Variants in OSTN observed in about 807,000 individuals in gnomAD.
OSTN encodes the protein osteocrin.
OSTN carries 9 observed loss-of-function variants against 12.0 expected under a neutral mutation model. The observed-to-expected ratio is 0.75, with a 90% CI of 0.45 to 1.30. OSTN has a LOEUF of 1.30. OSTN is among the 50% of genes most tolerant of loss of function. The pLI, the probability that OSTN is intolerant of heterozygous loss-of-function variation, is 0.00. For synonymous variants in OSTN, 59 were observed against 56.9 expected, an observed-to-expected ratio of 1.04 and a Z score of -0.16; for missense variants, 148 against 152.3, an observed-to-expected ratio of 0.97 and a Z score of 0.15.
chr3:191,258,317 A>G (rs1316537575), intron 4 of OSTN, among the ~76,000 whole-genome samples: 4 of 152,236 alleles, frequency 2.6e-5, no homozygotes, highest in Admixed American at 1.3e-4. Flanking sequence ...CTCATTAAGG[A>G]ACAAGGCTAA....
chr3:191,240,023 A>G (rs73199665), intron 3 of OSTN, among the ~76,000 whole-genome samples: 36,157 of 152,164 alleles, frequency 0.24, 5,146 homozygotes, highest in South Asian at 0.38. Context: ...AATAAAAATG[A>G]CATTTTGTTT....
intron 3 of OSTN, among the ~76,000 whole-genome samples, chr3:191,243,792 C>T (rs1715372177): frequency 6.6e-6 from 1 of 152,080 alleles, no homozygotes; most frequent in Non-Finnish European, 1.5e-5. Context: ...ACATTATTTA[C>T]ATGTTAATAT....
intron 2 of OSTN, among the ~76,000 whole-genome samples, chr3:191,212,867 C>CTTTTTTTTTTTTTTTTT (rs397991965): frequency 2.4e-4 from 22 of 93,080 alleles, no homozygotes; most frequent in East Asian, 9.7e-4. Context: ...TCTTTTCTTT[C>CTTTTTTTTTTTTTTTTT]TTTTTTTTTT....
At chr3:191,239,816 C>G (rs928501146) in intron 3 of OSTN, among the ~76,000 whole-genome samples, 2 of 152,134 alleles carry the variant, frequency 1.3e-5, no homozygotes, top group African/African-American at 4.8e-5. Context: ...TCACTCCTTC[C>G]CAGGGAAGGA....
intron 4 of OSTN, among the ~76,000 whole-genome samples, chr3:191,259,236 C>G (rs1715746121): frequency 6.6e-6 from 1 of 151,414 alleles, no homozygotes; most frequent in Non-Finnish European, 1.5e-5. Context: ...GCTTTGTCGC[C>G]CAGACTGGAA....
At chr3:191,244,732 G>A (rs1386547082) in intron 3 of OSTN, among the ~76,000 whole-genome samples, 2 of 150,112 alleles carry the variant, frequency 1.3e-5, no homozygotes, top group Non-Finnish European at 3.0e-5. Context: ...TATGGTTTCT[G>A]ATTATGTGCT....
intron 2 of OSTN, among the ~76,000 whole-genome samples, chr3:191,216,664 C>G (rs1000525941): frequency 6.6e-6 from 1 of 152,184 alleles, no homozygotes; most frequent in South Asian, 2.1e-4. Context: ...TTCAAAGTTC[C>G]ACAGATCTCT....
At chr3:191,205,532 A>C (rs538358852) in intron 1 of OSTN, among the ~76,000 whole-genome samples, 1 of 151,192 alleles carries the variant, frequency 6.6e-6, no homozygotes, top group South Asian at 2.1e-4. Context: ...GAAAATTCTT[A>C]TTATCAAAAA....
intron 3 of OSTN, among the ~76,000 whole-genome samples, chr3:191,225,167 A>G (rs939580252): frequency 6.6e-6 from 1 of 152,138 alleles, no homozygotes; most frequent in African/African-American, 2.4e-5. Flanking sequence ...AGAACTTGAA[A>G]AATAGGAAAC....
At chr3:191,242,396 T>G (rs1715341259) in intron 3 of OSTN, among the ~76,000 whole-genome samples, 7 of 152,198 alleles carry the variant, frequency 4.6e-5, no homozygotes, top group Admixed American at 4.6e-4. Context: ...CTTCCCTAAA[T>G]GAATTATACC....
rs182057839 is a variant in OSTN, at chr3:191,239,591, C to T, written c.318-10446C>T. Among the ~76,000 whole-genome samples, 228 of 152,294 alleles carry T rather than the reference C, an allele frequency of 1.5e-3. 1 individual carries two copies. Among genetic ancestry groups the T allele is most frequent in the East Asian group, 4.0e-3 (21 of 5,188 alleles). ...AAGCTGACATTATGCCTAATCAGCACCTTCATCATAAATTGAGCAGAATCT... is the reference window on the plus strand; with the variant it reads ...AAGCTGACATTATGCCTAATCAGCATCTTCATCATAAATTGAGCAGAATCT... On this transcript the variant is annotated intron_variant, in intron 3 of 4. Coordinates refer to ENST00000682035, the MANE Select transcript of OSTN (RefSeq NM_198184.2).
chr3:191,229,186 A>G (rs1026963053), intron 3 of OSTN, among the ~76,000 whole-genome samples: 1 of 152,236 alleles, frequency 6.6e-6, no homozygotes, highest in African/African-American at 2.4e-5. Context: ...TGAAGAGATT[A>G]GAAAGGAGAT....
chr3:191,214,834 G>A (rs932064708), intron 2 of OSTN, among the ~76,000 whole-genome samples: 4 of 152,116 alleles, frequency 2.6e-5, no homozygotes, highest in African/African-American at 4.8e-5. Context: ...CCAACATGGT[G>A]AAACTCCATC....
chr3:191,220,263 C>T (rs184085654), intron 3 of OSTN, among the ~76,000 whole-genome samples: 2 of 152,238 alleles, frequency 1.3e-5, no homozygotes, highest in Admixed American at 1.3e-4. Context: ...AAAATAAAAT[C>T]ATCATTTGAA....
chr3:191,229,106 A>T (rs1230035718), intron 3 of OSTN, among the ~76,000 whole-genome samples: 1 of 152,256 alleles, frequency 6.6e-6, no homozygotes, highest in East Asian at 1.9e-4. Context: ...GGATGCAAAT[A>T]GCAAAATCCA....
At chr3:191,251,212 T>TAAG (rs1360903294) in intron 4 of OSTN, among the ~76,000 whole-genome samples, 1 of 152,180 alleles carries the variant, frequency 6.6e-6, no homozygotes, top group Non-Finnish European at 1.5e-5. Flanking sequence ...ACATAGAGTA[T>TAAG]AAGTGGTACA....
chr3:191,202,752 G>A (rs1328086507), intron 1 of OSTN, among the ~76,000 whole-genome samples: 2 of 152,076 alleles, frequency 1.3e-5, no homozygotes, highest in Admixed American at 6.6e-5. Flanking sequence ...TGTATGGAAC[G>A]GCCAGCCGAT....
In OSTN at chr3:191,262,426, T is replaced by G. The variant is rs533590544; in HGVS notation, c.*13-440T>G. 4.6e-5 allele frequency among the ~76,000 whole-genome samples: 7 copies of G among 152,320 alleles called. No individual in the cohort carries two copies. The East Asian group carries it at 1.3e-3, about 29-fold the overall frequency. On this transcript the variant is annotated intron_variant, in intron 4 of 4. Transcript: ENST00000682035. ...GAAATCTTGTTTAAATGGCAGTATA[T>G]GGTTGGATTCTTGGTAGAATGTGCA...
chr3:191,249,775 G>A (rs997676493), intron 3 of OSTN, among the ~76,000 whole-genome samples: 5 of 152,160 alleles, frequency 3.3e-5, no homozygotes, highest in Non-Finnish European at 5.9e-5. Flanking sequence ...CTGGCTTTTG[G>A]TTTGGTCTAT....
Sources: allele counts gnomAD v4.1 joint callset (sites outside exome capture counted in the v4.1 genomes callset), GRCh38; gene constraint gnomAD v4.1.1; transcripts MANE v1.5; gene names NCBI Gene and HGNC (gene_info 2026-07-23, HGNC 2026-07-21).